CRACDL: variants seen among roughly 807,000 people sequenced by gnomAD.
CRACDL encodes CRACD-like protein.
In CRACDL, 26 loss-of-function variants were observed where a neutral mutation model predicts 70.6. The observed-to-expected ratio is 0.37, with a 90% CI of 0.27 to 0.51. CRACDL has a LOEUF of 0.51. Among genes scored for constraint, CRACDL ranks in the 20% least tolerant of loss-of-function variants. The pLI, the probability that CRACDL is intolerant of heterozygous loss-of-function variation, is 0.94. For synonymous variants in CRACDL, 618 were observed against 615.2 expected (o/e 1.00, Z -0.07); for missense variants, 1,283 against 1,376.9 (o/e 0.93, Z 1.08).
intron 2 of CRACDL, among the ~76,000 whole-genome samples, chr2:98,843,409 A>G (rs1361559433): frequency 1.3e-5 from 2 of 152,180 alleles, no homozygotes; most frequent in African/African-American, 2.4e-5. Flanking sequence ...ATGAAGTCCA[A>G]TTTATACATT....
chr2:98,867,326 A>G (rs977997388), intron 1 of CRACDL, among the ~76,000 whole-genome samples: 1 of 152,226 alleles, frequency 6.6e-6, no homozygotes, highest in African/African-American at 2.4e-5. Context: ...GCATACAGCT[A>G]TCCAACACAG....
chr2:98,867,653 A>C (rs1239721873), intron 1 of CRACDL, among the ~76,000 whole-genome samples: 1 of 152,222 alleles, frequency 6.6e-6, no homozygotes, highest in Non-Finnish European at 1.5e-5. Flanking sequence ...GGAAGATACA[A>C]TATAAATTCA....
At position 98,794,499 on chromosome 2, in the gene CRACDL, G is replaced by A. The variant is rs762727954; in HGVS notation, c.*33C>T. ...GTTTTTAACTAAGTGGCTTGTCAGG[G>A]TAGTGGACATGCTTTATCAGCACAC... On this transcript the variant is annotated 3_prime_UTR_variant, in exon 10 of 10. Transcript: ENST00000397899. 1 of 1,600,294 alleles carries A rather than the reference G, an allele frequency of 6.2e-7. No homozygotes were observed. The highest frequency in any genetic ancestry group is 8.6e-7 in the Non-Finnish European group (1 of 1,168,488).
intron 7 of CRACDL, among the ~76,000 whole-genome samples, chr2:98,815,427 C>T (rs1190797650): frequency 6.6e-6 from 1 of 152,316 alleles, no homozygotes; most frequent in East Asian, 1.9e-4. Flanking sequence ...CTGTAATCTC[C>T]ACTCCTCAAG....
chr2:98,828,458 G>A (rs183413025), intron 5 of CRACDL, among the ~76,000 whole-genome samples: 3 of 152,284 alleles, frequency 2.0e-5, no homozygotes, highest in East Asian at 1.9e-4. Flanking sequence ...CACCAGTGCC[G>A]TCCCCAGTGG....
intron 1 of CRACDL, among the ~76,000 whole-genome samples, chr2:98,879,792 C>T (rs149006545): frequency 0.018 from 2,705 of 152,304 alleles, 87 homozygotes; most frequent in African/African-American, 0.061. Context: ...GCAATCCGCC[C>T]GCCCTGGCCT....
intron 1 of CRACDL, among the ~76,000 whole-genome samples, chr2:98,874,586 C>T (rs1158806993): frequency 6.6e-6 from 1 of 152,238 alleles, no homozygotes; most frequent in African/African-American, 2.4e-5. Flanking sequence ...AAAGATGGGA[C>T]CTGTGTGGTG....
intron 1 of CRACDL, among the ~76,000 whole-genome samples, chr2:98,928,077 CG>C (rs1394908011): frequency 2.6e-5 from 4 of 151,832 alleles, no homozygotes; most frequent in African/African-American, 9.7e-5. Flanking sequence ...CCCAGCTACT[CG>C]AGAGGCTGAC....
chr2:98,797,226 C>T lies in CRACDL; in HGVS notation c.2604+124G>A, dbSNP rs1703861720. The T allele has an allele frequency of 1.8e-5, 16 of 873,292 alleles. No homozygotes were observed. The South Asian group carries it at 2.6e-4, about 14-fold the overall frequency. The allele number at this position is 873,292 out of a possible 1,614,324, so 54.1% of individuals were successfully genotyped here. On this transcript the variant is annotated intron_variant, in intron 8 of 9. Transcript: ENST00000397899. ...TTGGCTCTCGACCACACATCCACAACCATCACAGGTGACGGTCCCTGTGAC... is the reference window on the plus strand; with the variant it reads ...TTGGCTCTCGACCACACATCCACAATCATCACAGGTGACGGTCCCTGTGAC...
chr2:98,872,840 TAAAG>T (rs775271135), intron 1 of CRACDL, among the ~76,000 whole-genome samples: 15 of 152,128 alleles, frequency 9.9e-5, no homozygotes, highest in Non-Finnish European at 1.6e-4. Flanking sequence ...ACAGAATAAA[TAAAG>T]GAAGGATCAC....
At chr2:98,868,734 T>C (rs549402612) in intron 1 of CRACDL, among the ~76,000 whole-genome samples, 1 of 152,284 alleles carries the variant, frequency 6.6e-6, no homozygotes, top group South Asian at 2.1e-4. Flanking sequence ...ATATCAACTA[T>C]GCCATGGAGA....
At position 98,794,338 on chromosome 2, in the gene CRACDL, C is replaced by T; in HGVS notation, c.*194G>A. ...TTCAATGTTGTTCTTGTTTCTGGGC[C>T]CTCTGGCCCAGGAGTATGGCTGTGT... is the stretch of plus-strand genomic sequence containing the variant. On this transcript the variant is annotated 3_prime_UTR_variant, in exon 10 of 10. Transcript: ENST00000397899. 1 of 467,868 alleles carries T rather than the reference C, an allele frequency of 2.1e-6. No individual in the cohort carries two copies. Among genetic ancestry groups the T allele is most frequent in the Non-Finnish European group, 3.7e-6 (1 of 267,340 alleles). 29.0% of individuals were successfully genotyped at this position (467,868 alleles called of 1,614,324 possible).
At chr2:98,889,976 C>T (rs1707920086) in intron 1 of CRACDL, among the ~76,000 whole-genome samples, 1 of 152,000 alleles carries the variant, frequency 6.6e-6, no homozygotes, top group Non-Finnish European at 1.5e-5. Flanking sequence ...ACAAAACCAC[C>T]ACATACCAAT....
At chr2:98,858,625 G>A (rs1706808528) in intron 1 of CRACDL, among the ~76,000 whole-genome samples, 1 of 150,788 alleles carries the variant, frequency 6.6e-6, no homozygotes, top group Admixed American at 6.6e-5. Flanking sequence ...ACAGAAGAAA[G>A]GACAAAATAA....
chr2:98,827,886 T>C (rs1705375782), intron 5 of CRACDL, among the ~76,000 whole-genome samples: 1 of 152,198 alleles, frequency 6.6e-6, no homozygotes, highest in Non-Finnish European at 1.5e-5. Flanking sequence ...CTTTAGAGGC[T>C]GGGGCGCAGG....
intron 7 of CRACDL, among the ~76,000 whole-genome samples, chr2:98,817,593 C>A (rs1704836266): frequency 5.3e-5 from 8 of 152,298 alleles, no homozygotes; most frequent in Admixed American, 5.2e-4. Context: ...CTCCAGCATC[C>A]AGCTACCACC....
chr2:98,812,703 GTTTT>G (rs913572234), intron 7 of CRACDL, among the ~76,000 whole-genome samples: 18 of 147,104 alleles, frequency 1.2e-4, no homozygotes, highest in African/African-American at 4.3e-4. Flanking sequence ...TTGGTTTGCT[GTTTT>G]TTTGTTTTTT....
chr2:98,897,899 T>C (rs546904619), intron 1 of CRACDL, among the ~76,000 whole-genome samples: 1 of 152,354 alleles, frequency 6.6e-6, no homozygotes, highest in East Asian at 1.9e-4. Flanking sequence ...CGGAGCCCAC[T>C]GTGAGGTTCA....
At chr2:98,859,257 G>T (rs1706839866) in intron 1 of CRACDL, among the ~76,000 whole-genome samples, 1 of 152,042 alleles carries the variant, frequency 6.6e-6, no homozygotes, top group Non-Finnish European at 1.5e-5. Context: ...GCTAAATCCA[G>T]TAAGATATAA....
Sources: gnomAD v4.1 joint callset for allele counts (sites outside exome capture counted in the v4.1 genomes callset) on GRCh38, gnomAD v4.1.1 for gene constraint, MANE v1.5 for transcripts, NCBI Gene and HGNC (gene_info 2026-07-23, HGNC 2026-07-21) for gene names.